CLIP2: variants seen among roughly 807,000 people sequenced by gnomAD.
The protein encoded by CLIP2 is CAP-Gly domain-containing linker protein 2.
In CLIP2, 41 loss-of-function variants were observed where a neutral mutation model predicts 111.7. The observed-to-expected ratio is 0.37, with a 90% CI of 0.29 to 0.48. The LOEUF is 0.48. Among genes scored for constraint, CLIP2 ranks in the 20% least tolerant of loss-of-function variants. The pLI is 0.99. For missense variants in CLIP2, 1,160 were observed against 1,422.1 expected (o/e 0.82, Z 2.96); for synonymous variants, 660 against 644.2 (o/e 1.02, Z -0.37).
At chr7:74,317,849 G>C (rs1453201486) in intron 2 of CLIP2, among the ~76,000 whole-genome samples, 182 bp downstream of exon 2, 1 of 152,208 alleles carries the variant, frequency 6.6e-6, no homozygotes, top group Non-Finnish European at 1.5e-5. Flanking sequence ...TCCCCAGGGA[G>C]GGGACATGGG....
At chr7:74,330,292 C>T (rs1464012811) in intron 2 of CLIP2, among the ~76,000 whole-genome samples, 1 of 146,966 alleles carries the variant, frequency 6.8e-6, no homozygotes, top group African/African-American at 2.5e-5. Context: ...GTCTCGCTCC[C>T]GTCACCCAGG....
intron 2 of CLIP2, among the ~76,000 whole-genome samples, chr7:74,329,168 C>T (rs1352263063): frequency 2.7e-5 from 4 of 150,242 alleles, no homozygotes; most frequent in Non-Finnish European, 5.9e-5. Flanking sequence ...CCTCGTGATC[C>T]GCCCTCCTCG....
In CLIP2 at chr7:74,347,639, T is replaced by C. The variant is rs116689693; in HGVS notation, c.679-6241T>C. Among the ~76,000 whole-genome samples, 1,326 of 152,250 alleles carry C rather than the reference T, an allele frequency of 8.7e-3. 21 individuals carry two copies. The highest frequency in any genetic ancestry group is 0.03 in the African/African-American group (1,250 of 41,560). The stretch of plus-strand genomic sequence containing the variant: ...AGCCCTGGCGGCCACGCCTACTCCC[T>C]CTACAATGGAGATTACAGGAAACTT... On this transcript the variant is annotated intron_variant, in intron 3 of 16. Transcript: ENST00000223398.
chr7:74,374,105 C>T (rs1356661786), intron 9 of CLIP2, among the ~76,000 whole-genome samples: 1 of 152,116 alleles, frequency 6.6e-6, no homozygotes, highest in African/African-American at 2.4e-5. Flanking sequence ...CCCCAGCAGT[C>T]CCTCTGAGAG....
Position 74,376,049 on chromosome 7 carries a change from C to T in CLIP2, c.1648C>T (p.Leu550Phe), listed in dbSNP as rs1554312747. Residue 550 changes from leucine (L) to phenylalanine (F), a missense_variant, in exon 10 of 17, where the codon CTC (leucine) becomes TTC (phenylalanine). Physicochemically the swap from Leu to Phe is conservative, Grantham distance 22. Transcript: ENST00000223398. This position sits in a 1 kb window ranked among gnomAD's most constrained non-coding sequence, Gnocchi z 7.1. ...AEILRLRERLLSASKEHQRES... is the reference protein window; with the variant it reads ...AEILRLRERLFSASKEHQRES... ...GATCCTGCGGCTACGGGAGCGGCTGCTCTCGGCCAGCAAGGAACACCAGAG... is the reference window on the plus strand; with the variant it reads ...GATCCTGCGGCTACGGGAGCGGCTGTTCTCGGCCAGCAAGGAACACCAGAG... The T allele has an allele frequency of 6.2e-7, 1 of 1,612,656 alleles. No individual in the cohort carries two copies. Among genetic ancestry groups the T allele is most frequent in the Admixed American group, 1.7e-5 (1 of 59,972 alleles).
At position 74,356,560 on chromosome 7, in the gene CLIP2, C is replaced by T; in HGVS notation, c.954C>T (p.Ser318=). The T allele has an allele frequency of 6.2e-7, 1 of 1,614,230 alleles. No homozygotes were observed. Among genetic ancestry groups the T allele is most frequent in the Non-Finnish European group, 8.5e-7 (1 of 1,180,050 alleles). The change falls in exon 5 of 17, where the codon TCC becomes TCT. Residue 318 remains serine, a synonymous_variant. Transcript: ENST00000223398. ...CACTGACCCACAGTCCCAGCAGTTC[C>T]TCCATCAGCTCCGTCAGCTCTGTGG... ...VSALTHSPSS[S]SISSVSSVAS... is the part of the protein sequence containing the mutation.
intron 2 of CLIP2, among the ~76,000 whole-genome samples, chr7:74,320,437 G>A (rs560684053): frequency 2.6e-5 from 4 of 152,102 alleles, no homozygotes; most frequent in Admixed American, 6.6e-5. Flanking sequence ...TAGGAGATCC[G>A]CTTGAGCCCA....
rs142367137 is a variant in CLIP2, at chr7:74,317,644, C to T, written c.98C>T (p.Ala33Val). 3.9e-5 allele frequency: 59 copies of T among 1,510,212 alleles called. No individual in the cohort carries two copies. In the African/African-American group the frequency reaches 7.1e-4, roughly 18 times the overall value. 93.6% of individuals were successfully genotyped at this position (1,510,212 alleles called of 1,614,324 possible). A position where few individuals can be genotyped will look rare whatever the true frequency, so the allele number is the denominator to read the frequency against. ...TSTGSASSSA[A>V]VAASSKEGSP... ...ACTGGGTCAGCTTCATCCTCGGCGGCGGTGGCCGCTAGCTCCAAGGAAGGT... is the reference window on the plus strand; with the variant it reads ...ACTGGGTCAGCTTCATCCTCGGCGGTGGTGGCCGCTAGCTCCAAGGAAGGT... Residue 33 changes from alanine (A) to valine (V), a missense_variant, in exon 2 of 17, where the codon GCG becomes GTG. Coordinates refer to ENST00000223398, the MANE Select transcript of CLIP2 (RefSeq NM_003388.5).
intron 1 of CLIP2, among the ~76,000 whole-genome samples, chr7:74,296,685 A>G (rs1484100192): frequency 1.3e-5 from 2 of 149,850 alleles, no homozygotes; most frequent in African/African-American, 4.9e-5. Flanking sequence ...GCTACTCGGG[A>G]GGCTGAGGCA....
chr7:74,343,994 G>A (rs953445752), intron 3 of CLIP2, among the ~76,000 whole-genome samples: 5 of 152,200 alleles, frequency 3.3e-5, no homozygotes, highest in African/African-American at 4.8e-5. Flanking sequence ...GACTAATGTC[G>A]TGGGAGTGCC....
chr7:74,293,826 T>C (rs1788092186), intron 1 of CLIP2, among the ~76,000 whole-genome samples: 1 of 151,862 alleles, frequency 6.6e-6, no homozygotes, highest in Non-Finnish European at 1.5e-5. Context: ...GCCACTGGCT[T>C]CCCCCAGCCC....
intron 3 of CLIP2, among the ~76,000 whole-genome samples, chr7:74,341,085 GC>G (rs2116566899): frequency 6.6e-6 from 1 of 152,232 alleles, no homozygotes; most frequent in East Asian, 1.9e-4. Flanking sequence ...TACACCCATG[GC>G]CCCGTTGAAT....
chr7:74,373,459 C>T (rs1230129016), intron 9 of CLIP2, among the ~76,000 whole-genome samples: 5 of 152,160 alleles, frequency 3.3e-5, no homozygotes, highest in Non-Finnish European at 5.9e-5. Flanking sequence ...GATCGTGCCA[C>T]TGCACTCCAG....
At chr7:74,290,871 C>T (rs1446257229) in intron 1 of CLIP2, among the ~76,000 whole-genome samples, 1 of 152,074 alleles carries the variant, frequency 6.6e-6, no homozygotes, top group Non-Finnish European at 1.5e-5. Flanking sequence ...CTCGGTGTCC[C>T]CAAAAAGTGC....
At chr7:74,323,416 CCTTTT>C (rs1185466647) in intron 2 of CLIP2, among the ~76,000 whole-genome samples, 2 of 149,680 alleles carry the variant, frequency 1.3e-5, no homozygotes, top group African/African-American at 2.5e-5. Flanking sequence ...CTTTTTTTTT[CCTTTT>C]CTTTTCTTTT....
chr7:74,317,540 C>A lies in CLIP2; in HGVS notation c.-7C>A. On this transcript the variant is annotated 5_prime_UTR_variant, in exon 2 of 17. Transcript: ENST00000223398. ...TCACCCTTGTCCACCTGCCCAGTGG[C>A]ACCGCCATGCAGAAGCCCAGCGGCC... 7.0e-7 allele frequency: 1 copy of A among 1,421,418 alleles called. No homozygotes were observed. The allele number at this position is 1,421,418 out of a possible 1,614,324, so 88.1% of individuals were successfully genotyped here. A position where few individuals can be genotyped will look rare whatever the true frequency, so the allele number is the denominator to read the frequency against.
chr7:74,334,533 A>G (rs1414935502), intron 2 of CLIP2, among the ~76,000 whole-genome samples: 1 of 152,144 alleles, frequency 6.6e-6, no homozygotes, highest in East Asian at 1.9e-4. Context: ...CTCTAAGCAC[A>G]GAGGGCAGGT....
At chr7:74,380,782 C>T (rs1554313765) in intron 10 of CLIP2, 24 bp from the exon 11 acceptor site, 3 of 1,594,576 alleles carry the variant, frequency 1.9e-6, no homozygotes, top group Admixed American at 3.4e-5. Context: ...GTGAGCATCC[C>T]CCTTACAGGG....
At chr7:74,345,676 G>A (rs950107650) in intron 3 of CLIP2, among the ~76,000 whole-genome samples, 3 of 151,676 alleles carry the variant, frequency 2.0e-5, no homozygotes, top group Non-Finnish European at 4.4e-5. Context: ...GGGAAACCCC[G>A]TCTCTGCTAA....
Sources: allele counts gnomAD v4.1 joint callset (sites outside exome capture counted in the v4.1 genomes callset), GRCh38; gene constraint gnomAD v4.1.1; non-coding constraint Gnocchi (gnomAD v3.1); transcripts MANE v1.5; gene names NCBI Gene and HGNC (gene_info 2026-07-23, HGNC 2026-07-21).